The following ANO3 variants were observed in gnomAD, a reference collection of about 807,000 sequenced individuals.
ANO3 encodes the protein anoctamin 3, also known as anoctamin-3.
In ANO3, 99 loss-of-function variants were observed where a neutral mutation model predicts 144.8. The ratio of observed to expected loss-of-function variants is 0.68; its 90% CI spans 0.58 to 0.81. The LOEUF (loss-of-function observed/expected upper bound fraction) is 0.81, where lower values mean the gene tolerates loss of function less well. ANO3 is among the 30% of genes least tolerant of loss of function. The pLI is 0.00. For missense variants in ANO3, 905 were observed against 1,202.2 expected, an observed-to-expected ratio of 0.75 and a Z score of 3.66; for synonymous variants, 414 against 392.6, an observed-to-expected ratio of 1.05 and a Z score of -0.64.
chr11:26,218,442 T>C (rs1446470290), intron 1 of ANO3, among the ~76,000 whole-genome samples: 1 of 152,148 alleles, frequency 6.6e-6, no homozygotes, highest in African/African-American at 2.4e-5. Context: ...AATAACATTT[T>C]AATTTCATCT....
At chr11:26,500,969 C>G (rs1861173010) in intron 4 of ANO3, among the ~76,000 whole-genome samples, 1 of 152,124 alleles carries the variant, frequency 6.6e-6, no homozygotes, top group Non-Finnish European at 1.5e-5. Flanking sequence ...ACCATAACAT[C>G]AGGCTACCAG....
intron 1 of ANO3, among the ~76,000 whole-genome samples, chr11:26,311,961 T>C (rs981637088): frequency 5.3e-5 from 8 of 152,212 alleles, no homozygotes; most frequent in African/African-American, 1.4e-4. Flanking sequence ...TAACTGGTCA[T>C]TTACATTAGG....
intron 1 of ANO3, chr11:26,286,023 G>A (rs1853798809): frequency 6.6e-6 from 1 of 152,132 alleles, no homozygotes; most frequent in African/African-American, 2.4e-5. Context: ...GTTGCCTCCT[G>A]ACATCAGATA....
At chr11:26,492,361 G>A (rs952769923) in intron 4 of ANO3, among the ~76,000 whole-genome samples, 2 of 152,218 alleles carry the variant, frequency 1.3e-5, no homozygotes, top group South Asian at 2.1e-4. Flanking sequence ...AATCCTATGG[G>A]TCATTCTACT....
In ANO3 at chr11:26,558,122, A is replaced by G. The variant is rs1850142967; in HGVS notation, c.1387-1597A>G. On this transcript the variant is annotated intron_variant, in intron 13 of 26. Transcript: ENST00000256737. The stretch of plus-strand genomic sequence containing the variant: ...TTTATTGACTTAAAATGCCTGAAAG[A>G]TTTGTTAGCAAACCTAGTAAGAAAA... Among the ~76,000 whole-genome samples the G allele has an allele frequency of 3.9e-5, 6 of 152,320 alleles. No homozygotes were observed. In the South Asian group the frequency reaches 1.2e-3, roughly 32 times the overall value.
At chr11:26,440,940 T>G (rs1161460268) in intron 1 of ANO3, among the ~76,000 whole-genome samples, 1 of 151,786 alleles carries the variant, frequency 6.6e-6, no homozygotes, top group Non-Finnish European at 1.5e-5. Flanking sequence ...GACAGGGAAG[T>G]GGAGCCATTC....
intron 24 of ANO3, 90 bp from the exon 25 acceptor site, chr11:26,656,035 A>ACATT: frequency 9.7e-7 from 1 of 1,026,102 alleles, no homozygotes; most frequent in Non-Finnish European, 1.5e-6. Flanking sequence ...AAAGAATAAT[A>ACATT]CATTTGTAAA....
At chr11:26,595,870 T>C (rs563863894) in intron 14 of ANO3, among the ~76,000 whole-genome samples, 11 of 152,354 alleles carry the variant, frequency 7.2e-5, no homozygotes, top group African/African-American at 2.4e-4. Context: ...TGAGGTGTGC[T>C]CACAATGAGG....
chr11:26,373,031 T>C (rs1223772742), intron 1 of ANO3, among the ~76,000 whole-genome samples: 3 of 152,244 alleles, frequency 2.0e-5, no homozygotes, highest in Admixed American at 2.0e-4. Flanking sequence ...GTCACATTGG[T>C]TTATTCTGTT....
chr11:26,341,115 T>C (rs1298487931), intron 1 of ANO3, among the ~76,000 whole-genome samples: 1 of 150,796 alleles, frequency 6.6e-6, no homozygotes, highest in Non-Finnish European at 1.5e-5. Context: ...CTTTCCTTCC[T>C]CTCTCTTTCT....
At chr11:26,395,873 A>T (rs942095915) in intron 1 of ANO3, among the ~76,000 whole-genome samples, 1 of 152,194 alleles carries the variant, frequency 6.6e-6, no homozygotes, top group Non-Finnish European at 1.5e-5. Flanking sequence ...CATTCAGGAC[A>T]TAGGCATGGG....
intron 1 of ANO3, among the ~76,000 whole-genome samples, chr11:26,254,027 A>G (rs906000019): frequency 6.6e-6 from 1 of 152,214 alleles, no homozygotes; most frequent in Non-Finnish European, 1.5e-5. Context: ...GCAAGCTGCA[A>G]TTTTGTTCTA....
chr11:26,601,190 T>C (rs1027340360), intron 17 of ANO3, among the ~76,000 whole-genome samples: 3 of 152,220 alleles, frequency 2.0e-5, no homozygotes, highest in Non-Finnish European at 2.9e-5. Flanking sequence ...TTATATGATA[T>C]AGCTGAGCCA....
intron 14 of ANO3, among the ~76,000 whole-genome samples, chr11:26,587,932 T>C (rs1851333344): frequency 9.2e-6 from 1 of 108,162 alleles, no homozygotes; most frequent in Admixed American, 1.0e-4. Context: ...AGTGAAACTC[T>C]GTCTCAAAAA....
At chr11:26,638,404 T>G (rs1186027898) in intron 20 of ANO3, among the ~76,000 whole-genome samples, 1 of 152,186 alleles carries the variant, frequency 6.6e-6, no homozygotes, top group Non-Finnish European at 1.5e-5. Flanking sequence ...AGAAAAACCA[T>G]TAGACAAACT....
chr11:26,267,023 C>A (rs1853327182), intron 1 of ANO3, among the ~76,000 whole-genome samples: 1 of 150,406 alleles, frequency 6.6e-6, no homozygotes, highest in African/African-American at 2.4e-5. Flanking sequence ...ACCCTGGAGG[C>A]AGAGCTTGCA....
intron 1 of ANO3, among the ~76,000 whole-genome samples, chr11:26,429,053 G>A (rs1241289009): frequency 6.6e-6 from 1 of 152,204 alleles, no homozygotes; most frequent in African/African-American, 2.4e-5. Context: ...AGTCACGGTA[G>A]TGCCATGTTG....
chr11:26,413,789 A>T (rs1421723026), intron 1 of ANO3, among the ~76,000 whole-genome samples: 1 of 152,054 alleles, frequency 6.6e-6, no homozygotes, highest in African/African-American at 2.4e-5. Flanking sequence ...TTCATGCACA[A>T]TGGCTATGTT....
intron 1 of ANO3, among the ~76,000 whole-genome samples, chr11:26,225,755 T>G (rs910360899): frequency 3.2e-4 from 48 of 152,190 alleles, no homozygotes; most frequent in African/African-American, 8.7e-4. Context: ...TTTGGCCTAG[T>G]ACTTTTCAAA....
Sources: allele counts gnomAD v4.1 joint callset (sites outside exome capture counted in the v4.1 genomes callset), GRCh38; gene constraint gnomAD v4.1.1; transcripts MANE v1.5; gene names NCBI Gene and HGNC (gene_info 2026-07-23, HGNC 2026-07-21).